LPCAT1: variants seen among roughly 807,000 people sequenced by gnomAD.
LPCAT1 encodes lysophosphatidylcholine acyltransferase 1.
LPCAT1 carries 23 observed loss-of-function variants against 60.9 expected under a neutral mutation model. The ratio of observed to expected loss-of-function variants is 0.38; its 90% confidence interval spans 0.27 to 0.53. The LOEUF is 0.53. Ranked by LOEUF, LPCAT1 falls within the 20% of genes least tolerant of loss-of-function variation. LPCAT1 has a pLI of 0.82. For synonymous variants in LPCAT1, 340 were observed against 301.1 expected (o/e 1.13, Z -1.34); for missense variants, 622 against 723.6 (o/e 0.86, Z 1.61).
At chr5:1,514,705 C>T (rs142937172) in intron 1 of LPCAT1, among the ~76,000 whole-genome samples, 274 of 152,304 alleles carry the variant, frequency 1.8e-3, no homozygotes, top group African/African-American at 6.2e-3. Context: ...ACCATGCAGG[C>T]GCTGCAGACA....
intron 1 of LPCAT1, among the ~76,000 whole-genome samples, chr5:1,509,210 G>A (rs964914374): frequency 2.6e-5 from 4 of 152,282 alleles, no homozygotes; most frequent in African/African-American, 7.2e-5. Flanking sequence ...GGCGGCCGGG[G>A]CAGATGCTCA....
Position 1,502,426 on chromosome 5 carries a change from G to A in LPCAT1, c.136-823C>T, listed in dbSNP as rs1206746633. Among the ~76,000 whole-genome samples, 3 of 152,178 alleles carry A rather than the reference G, an allele frequency of 2.0e-5. No homozygotes were observed. The highest frequency in any genetic ancestry group is 2.1e-4 in the South Asian group (1 of 4,822). On this transcript the variant is annotated intron_variant, in intron 1 of 13. Transcript: ENST00000283415. The surrounding 1 kb of genome is among the most constrained non-coding windows in gnomAD (Gnocchi z 5.5). ...TTGGACCTCAGACCACAGAGAAGAC[G>A]GCAGAATGAAGGTGTGACTTTCCAG...
rs1340590295 is a variant in LPCAT1 at position 1,483,410 on chromosome 5, C to CA, written c.726+17dup. 5 of 1,613,268 alleles carry CA rather than the reference C, an allele frequency of 3.1e-6. No homozygotes were observed. The highest frequency in any genetic ancestry group is 2.2e-5 in the East Asian group (1 of 44,894). On this transcript the variant is annotated intron_variant, in intron 6 of 13. Transcript: ENST00000283415. The surrounding 1 kb of genome is among the most constrained non-coding windows in gnomAD (Gnocchi z 9.2). ...GGAGAATTCCCCTGGAAGCTGACCCCAAAAAAACACAACTCACCAGTTTAT... is the reference window on the plus strand; with the variant it reads ...GGAGAATTCCCCTGGAAGCTGACCCCAAAAAAAACACAACTCACCAGTTTAT...
Position 1,501,454 on chromosome 5 carries a change from A to C in LPCAT1, c.278+7T>G. The C allele has an allele frequency of 6.2e-7, 1 of 1,608,034 alleles. No homozygotes were observed. Among genetic ancestry groups the C allele is most frequent in the Non-Finnish European group, 8.5e-7 (1 of 1,177,532 alleles). On this transcript the variant is annotated splice_region_variant and intron_variant, in intron 2 of 13. Coordinates refer to ENST00000283415, the MANE Select transcript of LPCAT1 (RefSeq NM_024830.5). Reference sequence around the variant, plus strand: ...CAGGAGGAGAGCACGGCACACGCGCAACTTACTTCCTCCACAGGGCCGGGG... The same window carrying C: ...CAGGAGGAGAGCACGGCACACGCGCCACTTACTTCCTCCACAGGGCCGGGG...
At chr5:1,472,149 G>A (rs1161150763) in intron 11 of LPCAT1, among the ~76,000 whole-genome samples, 1 of 151,280 alleles carries the variant, frequency 6.6e-6, no homozygotes. Context: ...GAGCAGGTGA[G>A]GAGCACCCAA....
rs766027119 is a variant in LPCAT1 at position 1,474,599 on chromosome 5, G to A, written c.986C>T (p.Thr329Ile). Residue 329 changes from threonine to isoleucine, a missense_variant, in exon 10 of 14, where the codon ACT (threonine) becomes ATT (isoleucine). Thr to Ile is a moderately conservative substitution (Grantham distance 89). Transcript: ENST00000283415. ...AEGQLRLPAD[T>I]CLLEFARLVR... ...GAGCCTGGCAAATTCTAAAAGGCAA[G>A]TGTCAGCGGGGAGACGGAGCTGTCC... is the stretch of plus-strand genomic sequence containing the variant. 2 of 1,614,098 alleles carry A rather than the reference G, an allele frequency of 1.2e-6. No homozygotes were observed. Among genetic ancestry groups the A allele is most frequent in the Admixed American group, 3.3e-5 (2 of 60,024 alleles).
rs971318398 is a variant in LPCAT1, at chr5:1,521,437, A to C, written c.135+2273T>G. The C allele has an allele frequency of 5.3e-5, 52 of 985,300 alleles. No individual in the cohort carries two copies. The highest frequency in any genetic ancestry group is 5.2e-4 in the Middle Eastern group (1 of 1,934). 61.0% of individuals were successfully genotyped at this position (985,300 alleles called of 1,614,324 possible). ...GACCCATTTCTTTCTTTGGGGAAGA[A>C]GGCTTTCTTGGCTTGAAAGACAGGC... is the stretch of plus-strand genomic sequence containing the variant. On this transcript the variant is annotated intron_variant, in intron 1 of 13. Transcript: ENST00000283415. The surrounding 1 kb of genome is among the most constrained non-coding windows in gnomAD (Gnocchi z 4.3).
At chr5:1,468,008 T>TGGGAGGGGCGTCGCCTCTCTTCA (rs758328904) in intron 12 of LPCAT1, among the ~76,000 whole-genome samples, 6 of 152,214 alleles carry the variant, frequency 3.9e-5, no homozygotes, top group Admixed American at 2.6e-4. Context: ...GTGGGCTGCC[T>TGGGAGGGGCGTCGCCTCTCTTCA]GGGAGGGGCG....
chr5:1,513,658 T>C (rs939783641), intron 1 of LPCAT1, among the ~76,000 whole-genome samples: 7 of 149,398 alleles, frequency 4.7e-5, no homozygotes, highest in Non-Finnish European at 1.0e-4. Context: ...GTTTCCTCCA[T>C]TTCCACAGGC....
At position 1,496,541 on chromosome 5, in the gene LPCAT1, GCCA is replaced by G. The variant is rs1735801054; in HGVS notation, c.279-1630_279-1628del. 6.6e-6 allele frequency among the ~76,000 whole-genome samples: 1 copy of G among 152,082 alleles called. No individual in the cohort carries two copies. The highest frequency in any genetic ancestry group is 2.4e-5 in the African/African-American group (1 of 41,412). On this transcript the variant is annotated intron_variant, in intron 2 of 13. Transcript: ENST00000283415. This position sits in a 1 kb window ranked among gnomAD's most constrained non-coding sequence, Gnocchi z 4.7. ...AGAGGAGGCTGCGGCGGGCACAGGA[GCCA>G]GTCTCGGGCAGGTTCAGGGGCAGGA... is the stretch of plus-strand genomic sequence containing the variant.
At chr5:1,504,667 T>C (rs1397727721) in intron 1 of LPCAT1, among the ~76,000 whole-genome samples, 1 of 143,832 alleles carries the variant, frequency 7.0e-6, no homozygotes, top group Admixed American at 7.2e-5. Context: ...GGAGCTGAGA[T>C]CGCGCCATTG....
chr5:1,516,491 G>A (rs1014024526), intron 1 of LPCAT1, among the ~76,000 whole-genome samples: 15 of 152,192 alleles, frequency 9.9e-5, no homozygotes, highest in Admixed American at 2.0e-4. Flanking sequence ...CCAGCCCGGC[G>A]GCATCCCCAC....
Position 1,466,870 on chromosome 5 carries a change from G to C in LPCAT1, c.1299C>G (p.Asp433Glu). 6.2e-7 allele frequency: 1 copy of C among 1,606,950 alleles called. No homozygotes were observed. Among genetic ancestry groups the C allele is most frequent in the Non-Finnish European group, 8.5e-7 (1 of 1,175,874 alleles). ...ACAGGTCACCTTCGCCGACGCTGCCGTCCTCTTGCGCTCCGTACATCTGCA... is the reference window on the plus strand; with the variant it reads ...ACAGGTCACCTTCGCCGACGCTGCCCTCCTCTTGCGCTCCGTACATCTGCA... ...LAFKMYGAQE[D>E]GSVGEGDLSC... Residue 433 changes from aspartate (D) to glutamate (E), a missense_variant, in exon 13 of 14, where the codon GAC becomes GAG. Transcript: ENST00000283415.
chr5:1,506,391 C>A (rs1736188718), intron 1 of LPCAT1, among the ~76,000 whole-genome samples: 2 of 152,242 alleles, frequency 1.3e-5, no homozygotes, highest in Non-Finnish European at 2.9e-5. Context: ...GCTGTGACTC[C>A]TTCCAGAAGC....
At chr5:1,467,513 C>G (rs532089733) in intron 12 of LPCAT1, among the ~76,000 whole-genome samples, 1 of 152,252 alleles carries the variant, frequency 6.6e-6, no homozygotes, top group South Asian at 2.1e-4. Context: ...CTCCGGCCCT[C>G]TCTGTGCAGG....
chr5:1,504,306 G>A (rs769148431), intron 1 of LPCAT1, among the ~76,000 whole-genome samples: 49 of 152,360 alleles, frequency 3.2e-4, no homozygotes, highest in Non-Finnish European at 6.0e-4. Flanking sequence ...TGCAGTGGAG[G>A]AGAGCGCAGC....
chr5:1,497,447 C>T (rs866101436), intron 2 of LPCAT1, among the ~76,000 whole-genome samples: 1 of 152,206 alleles, frequency 6.6e-6, no homozygotes, highest in Non-Finnish European at 1.5e-5. Context: ...TGGAGCCGGC[C>T]CTGGAGAGGA....
In LPCAT1 at chr5:1,481,023, G is replaced by C. The variant is rs770058588; in HGVS notation, c.727-47C>G. ...CAGTCAGCATGGGGCCTGCACCCAG[G>C]GCCTGCACCAAGCACCTGCGTGTGC... On this transcript the variant is annotated intron_variant, in intron 6 of 13. Transcript: ENST00000283415. The surrounding 1 kb of genome is among the most constrained non-coding windows in gnomAD (Gnocchi z 7.8). 9 of 1,059,412 alleles carry C rather than the reference G, an allele frequency of 8.5e-6. No individual in the cohort carries two copies. Among genetic ancestry groups the C allele is most frequent in the Admixed American group, 3.0e-5 (1 of 33,614 alleles). The allele number at this position is 1,059,412 out of a possible 1,614,324, so 65.6% of individuals were successfully genotyped here.
intron 1 of LPCAT1, among the ~76,000 whole-genome samples, chr5:1,509,209 G>A (rs1348186326): frequency 6.6e-6 from 1 of 152,270 alleles, no homozygotes; most frequent in Non-Finnish European, 1.5e-5. Context: ...AGGCGGCCGG[G>A]GCAGATGCTC....
Sources: gnomAD v4.1 joint callset for allele counts (sites outside exome capture counted in the v4.1 genomes callset) on GRCh38, gnomAD v4.1.1 for gene constraint, Gnocchi (gnomAD v3.1) non-coding constraint, MANE v1.5 for transcripts, NCBI Gene and HGNC (gene_info 2026-07-23, HGNC 2026-07-21) for gene names.